CCDC170: variants seen among roughly 807,000 people sequenced by gnomAD.
The protein encoded by CCDC170 is coiled-coil domain-containing protein 170.
In CCDC170, 69 loss-of-function variants were observed where a neutral mutation model predicts 72.6. The ratio of observed to expected loss-of-function variants is 0.95; its 90% confidence interval spans 0.78 to 1.16. The LOEUF (loss-of-function observed/expected upper bound fraction) is 1.16. CCDC170 is among the 50% of genes most tolerant of loss of function. The pLI is 0.00. For missense variants in CCDC170, 852 were observed against 832.5 expected (o/e 1.02, Z -0.29); for synonymous variants, 300 against 303.9 (o/e 0.99, Z 0.13).
At chr6:151,545,512 C>T (rs1782757595) in intron 4 of CCDC170, among the ~76,000 whole-genome samples, 2 of 152,090 alleles carry the variant, frequency 1.3e-5, no homozygotes, top group African/African-American at 4.8e-5. Flanking sequence ...ATTCACTTGG[C>T]CCATAGTGCT....
In CCDC170 at chr6:151,538,239, C is replaced by T. The variant is rs201526667; in HGVS notation, c.381C>T (p.His127=). ...TSKIRTEITA[H]AAIKENQELK... Reference sequence around the variant, plus strand: ...AAATCAGAACAGAAATCACAGCTCACGCTGCAATCAAGGAGAACCAGGAAT... The same window carrying T: ...AAATCAGAACAGAAATCACAGCTCATGCTGCAATCAAGGAGAACCAGGAAT... The change falls in exon 3 of 11, where the codon CAC becomes CAT. Residue 127 remains histidine (H), a synonymous_variant. Transcript: ENST00000239374. 1.5e-4 allele frequency: 241 copies of T among 1,613,546 alleles called. No individual in the cohort carries two copies. The Middle Eastern group carries it at 2.0e-3, about 13-fold the overall frequency.
At chr6:151,579,581 A>G (rs1252347301) in intron 6 of CCDC170, among the ~76,000 whole-genome samples, 2 of 152,148 alleles carry the variant, frequency 1.3e-5, no homozygotes, top group Non-Finnish European at 2.9e-5. Context: ...TCTGTAGAGC[A>G]CCCTCAGGTC....
At chr6:151,588,103 C>A (rs539299407) in intron 7 of CCDC170, among the ~76,000 whole-genome samples, 1 of 152,098 alleles carries the variant, frequency 6.6e-6, no homozygotes, top group Non-Finnish European at 1.5e-5. Flanking sequence ...ATGGGTCAGT[C>A]TAATGACTCA....
chr6:151,575,323 C>T lies in CCDC170; in HGVS notation c.1092+1832C>T, dbSNP rs550220556. Among the ~76,000 whole-genome samples, 86 of 151,376 alleles carry T rather than the reference C, an allele frequency of 5.7e-4. 1 individual carries two copies. The South Asian group carries it at 6.1e-3, about 11-fold the overall frequency. The stretch of plus-strand genomic sequence containing the variant: ...AGTTCAGGGTTGCATTTGTCAATTT[C>T]CTTTAGTGATAGTAAATTCCCTTTA... On this transcript the variant is annotated intron_variant, in intron 6 of 10. Transcript: ENST00000239374.
chr6:151,567,094 T>A lies in CCDC170; in HGVS notation c.775-6080T>A, dbSNP rs192501746. Among the ~76,000 whole-genome samples, 86 of 152,212 alleles carry A rather than the reference T, an allele frequency of 5.7e-4. 1 individual carries two copies. The highest frequency in any genetic ancestry group is 2.0e-3 in the African/African-American group (82 of 41,540). On this transcript the variant is annotated intron_variant, in intron 5 of 10. Coordinates refer to ENST00000239374, the MANE Select transcript of CCDC170 (RefSeq NM_025059.4). ...CACCACCACACCCAACTAATTTGTATTTTCAGTAGAGACGGGGTTTCTCCA... is the reference window on the plus strand; with the variant it reads ...CACCACCACACCCAACTAATTTGTAATTTCAGTAGAGACGGGGTTTCTCCA...
chr6:151,529,486 G>A (rs1266706857), intron 1 of CCDC170, among the ~76,000 whole-genome samples: 12 of 151,898 alleles, frequency 7.9e-5, no homozygotes, highest in East Asian at 1.9e-4. Context: ...GTGAAACCCC[G>A]TCTCCACTAA....
At chr6:151,561,351 GTAT>G (rs978833359) in intron 5 of CCDC170, among the ~76,000 whole-genome samples, 1 of 152,040 alleles carries the variant, frequency 6.6e-6, no homozygotes, top group African/African-American at 2.4e-5. Context: ...ATAGTCTCAA[GTAT>G]TATTCTTTCA....
At chr6:151,562,660 CT>C (rs1280205531) in intron 5 of CCDC170, among the ~76,000 whole-genome samples, 3 of 152,110 alleles carry the variant, frequency 2.0e-5, no homozygotes, top group African/African-American at 4.8e-5. Flanking sequence ...TCCTGGGGCA[CT>C]TATTTTGTGG....
At chr6:151,520,945 C>T (rs1371558180) in intron 1 of CCDC170, among the ~76,000 whole-genome samples, 4 of 152,210 alleles carry the variant, frequency 2.6e-5, no homozygotes, top group Admixed American at 6.5e-5. Flanking sequence ...ACAACCAGCT[C>T]TGCATGAATT....
At chr6:151,524,896 C>G (rs1030197164) in intron 1 of CCDC170, among the ~76,000 whole-genome samples, 11 of 149,570 alleles carry the variant, frequency 7.4e-5, no homozygotes, top group Admixed American at 2.7e-4. Flanking sequence ...ATCTATTTAT[C>G]TCCAAATAGA....
At chr6:151,571,678 G>T (rs942956669) in intron 5 of CCDC170, among the ~76,000 whole-genome samples, 44 of 152,074 alleles carry the variant, frequency 2.9e-4, no homozygotes, top group Non-Finnish European at 1.5e-5. Flanking sequence ...GGTGAGCTGA[G>T]ATTGTGCCAT....
intron 5 of CCDC170, among the ~76,000 whole-genome samples, chr6:151,559,012 C>CTTTTT (rs201171602): frequency 2.4e-5 from 3 of 125,708 alleles, no homozygotes; most frequent in Non-Finnish European, 4.8e-5. Flanking sequence ...ATTAATTTAT[C>CTTTTT]TTTTTTTTTT....
At chr6:151,509,993 C>G (rs569475742) in intron 1 of CCDC170, among the ~76,000 whole-genome samples, 2 of 152,022 alleles carry the variant, frequency 1.3e-5, no homozygotes, top group Admixed American at 1.3e-4. Context: ...CATGGTGGTG[C>G]GCGCCTGTAA....
intron 6 of CCDC170, among the ~76,000 whole-genome samples, chr6:151,581,987 CA>C (rs1246613494): frequency 6.6e-6 from 1 of 152,170 alleles, no homozygotes; most frequent in Non-Finnish European, 1.5e-5. Flanking sequence ...ATTTCTAGAG[CA>C]CAGTCAGAAT....
chr6:151,546,150 G>A (rs1782769187), intron 4 of CCDC170, among the ~76,000 whole-genome samples: 1 of 152,120 alleles, frequency 6.6e-6, no homozygotes, highest in Non-Finnish European at 1.5e-5. Context: ...CTCTCTGAAA[G>A]CCGCAAGATG....
chr6:151,557,728 T>C (rs1783006273), intron 5 of CCDC170, among the ~76,000 whole-genome samples: 1 of 152,248 alleles, frequency 6.6e-6, no homozygotes, highest in South Asian at 2.1e-4. Flanking sequence ...TGTTTTTGTC[T>C]TTTTAATAAT....
At chr6:151,500,343 A>T (rs1582998941) in intron 1 of CCDC170, among the ~76,000 whole-genome samples, 2 of 149,828 alleles carry the variant, frequency 1.3e-5, no homozygotes, top group Admixed American at 6.7e-5. Context: ...ACCAATCTCC[A>T]CCCCACCACC....
At chr6:151,571,014 T>C (rs889054313) in intron 5 of CCDC170, among the ~76,000 whole-genome samples, 2 of 152,208 alleles carry the variant, frequency 1.3e-5, no homozygotes. Context: ...ATATCTACTC[T>C]GTGACTTTTC....
intron 9 of CCDC170, among the ~76,000 whole-genome samples, chr6:151,603,423 C>T (rs1406367753): frequency 1.3e-5 from 2 of 152,156 alleles, no homozygotes; most frequent in Non-Finnish European, 2.9e-5. Flanking sequence ...TTAACTCTGC[C>T]TTTACCATTT....
Sources: gnomAD v4.1 joint callset for allele counts (sites outside exome capture counted in the v4.1 genomes callset) on GRCh38, gnomAD v4.1.1 for gene constraint, MANE v1.5 for transcripts, NCBI Gene and HGNC (gene_info 2026-07-23, HGNC 2026-07-21) for gene names.